The following CAMTA1 variants were observed in gnomAD, a reference collection of about 807,000 sequenced individuals.
The protein encoded by CAMTA1 is calmodulin binding transcription activator 1, also known as calmodulin-binding transcription activator 1.
In CAMTA1, 27 loss-of-function variants were observed where a neutral mutation model predicts 170.9. The observed-to-expected ratio is 0.16, with a 90% CI of 0.12 to 0.22. CAMTA1 has a LOEUF of 0.22. Among genes scored for constraint, CAMTA1 ranks in the 10% least tolerant of loss-of-function variants. The pLI is 1.00. For missense variants in CAMTA1, 1,619 were observed against 2,217.2 expected (o/e 0.73, Z 5.42); for synonymous variants, 833 against 891.5 (o/e 0.93, Z 1.17).
At chr1:6,952,135 A>G (rs965957692) in intron 3 of CAMTA1, among the ~76,000 whole-genome samples, 10 of 152,220 alleles carry the variant, frequency 6.6e-5, no homozygotes, top group African/African-American at 2.4e-4. Flanking sequence ...TCTGGCATCA[A>G]ATGGGATAAC....
intron 1 of CAMTA1, among the ~76,000 whole-genome samples, chr1:6,812,068 C>G (rs1020200660): frequency 2.0e-5 from 3 of 152,236 alleles, no homozygotes; most frequent in African/African-American, 7.2e-5. Context: ...GGATGTCTCC[C>G]TCCCAGCTAA....
chr1:7,647,386 C>G (rs1465132548), intron 7 of CAMTA1, among the ~76,000 whole-genome samples: 2 of 152,118 alleles, frequency 1.3e-5, no homozygotes, highest in Admixed American at 6.5e-5. Context: ...CTGGGGCTCG[C>G]GGAGCCGTTC....
In CAMTA1 at chr1:7,680,226, C is replaced by A; in HGVS notation, c.2914+2493C>A. On this transcript the variant is annotated intron_variant, in intron 11 of 22. Coordinates refer to ENST00000303635, the MANE Select transcript of CAMTA1 (RefSeq NM_015215.4). The surrounding 1 kb of genome is among the most constrained non-coding windows in gnomAD (Gnocchi z 4.4). ...AGTGGCCGGGCGGTGGTGAGCCTTCCGTTCCCCGCCTGTCCCTCCCGGCCC... is the reference window on the plus strand; with the variant it reads ...AGTGGCCGGGCGGTGGTGAGCCTTCAGTTCCCCGCCTGTCCCTCCCGGCCC... The A allele has an allele frequency of 3.7e-6, 1 of 268,540 alleles. No individual in the cohort carries two copies. Among genetic ancestry groups the A allele is most frequent in the South Asian group, 2.8e-5 (1 of 35,276 alleles). The allele number at this position is 268,540 out of a possible 1,614,324, so 16.6% of individuals were successfully genotyped here.
At chr1:7,499,404 TGA>T (rs111200538) in intron 6 of CAMTA1, among the ~76,000 whole-genome samples, 2 of 125,008 alleles carry the variant, frequency 1.6e-5, no homozygotes, top group Non-Finnish European at 3.4e-5. Flanking sequence ...TGTGTGTACA[TGA>T]GTGTGTAGAG....
intron 3 of CAMTA1, among the ~76,000 whole-genome samples, chr1:6,981,515 C>G (rs1461205623): frequency 6.6e-6 from 1 of 152,222 alleles, no homozygotes; most frequent in Non-Finnish European, 1.5e-5. Flanking sequence ...TCACCGCAGC[C>G]TTAACCTCCT....
intron 10 of CAMTA1, among the ~76,000 whole-genome samples, chr1:7,675,579 GGGTGCTGGGCTGTGGCCCCC>G (rs1366788095): frequency 6.6e-6 from 1 of 152,182 alleles, no homozygotes; most frequent in African/African-American, 2.4e-5. Context: ...TTTCCTGTAG[GGGTGCTGGGCTGTGGCCCCC>G]GGTGCTGGAT....
chr1:7,211,932 G>T (rs1206122413), intron 4 of CAMTA1, among the ~76,000 whole-genome samples: 1 of 152,050 alleles, frequency 6.6e-6, no homozygotes, highest in African/African-American at 2.4e-5. Context: ...AACATCACAG[G>T]GTTCCTCCTA....
At chr1:7,004,956 G>T (rs1024613761) in intron 3 of CAMTA1, among the ~76,000 whole-genome samples, 1 of 152,124 alleles carries the variant, frequency 6.6e-6, no homozygotes, top group African/African-American at 2.4e-5. Context: ...GTTTTTAGTA[G>T]AGACGGGGTT....
chr1:7,338,389 GGTTTGGAGCC>G (rs2083553304), intron 5 of CAMTA1, among the ~76,000 whole-genome samples: 1 of 152,208 alleles, frequency 6.6e-6, no homozygotes. Context: ...AGTTCTGGAG[GGTTTGGAGCC>G]GTCTGCCTTT....
chr1:7,333,270 T>A lies in CAMTA1; in HGVS notation c.438+83644T>A, dbSNP rs1040750607. Among the ~76,000 whole-genome samples, 1 of 152,144 alleles carries A rather than the reference T, an allele frequency of 6.6e-6. No homozygotes were observed. The highest frequency in any genetic ancestry group is 2.4e-5 in the African/African-American group (1 of 41,426). ...GTGATTATGAGCTTCCCTGTCGAGG[T>A]TGGGCTCTGCAAGCTTTGGCAATTG... On this transcript the variant is annotated intron_variant, in intron 5 of 22. Transcript: ENST00000303635. This position sits in a 1 kb window ranked among gnomAD's most constrained non-coding sequence, Gnocchi z 4.4.
intron 3 of CAMTA1, among the ~76,000 whole-genome samples, chr1:6,828,473 G>A (rs1180402523): frequency 1.3e-5 from 2 of 151,706 alleles, no homozygotes; most frequent in African/African-American, 4.8e-5. Flanking sequence ...TGTATTTTTA[G>A]TAGAGACAGG....
At position 7,580,979 on chromosome 1, in the gene CAMTA1, T is replaced by C. The variant is rs1299509062; in HGVS notation, c.511-59421T>C. On this transcript the variant is annotated intron_variant, in intron 6 of 22. Transcript: ENST00000303635. This position sits in a 1 kb window ranked among gnomAD's most constrained non-coding sequence, Gnocchi z 4.3. The stretch of plus-strand genomic sequence containing the variant: ...ATACCCTAAAAGGTTGTTGAGAAAA[T>C]GGAACGACTGCAGAGCTTAGTAAAG... 6.6e-6 allele frequency among the ~76,000 whole-genome samples: 1 copy of C among 152,140 alleles called. No individual in the cohort carries two copies. The highest frequency in any genetic ancestry group is 1.5e-5 in the Non-Finnish European group (1 of 68,018).
At chr1:7,764,853 G>A (rs567031346) in intron 22 of CAMTA1, among the ~76,000 whole-genome samples, 30 of 151,878 alleles carry the variant, frequency 2.0e-4, no homozygotes, top group Non-Finnish European at 3.5e-4. Flanking sequence ...CCAGCTACTC[G>A]GGAGGCTGAG....
intron 3 of CAMTA1, among the ~76,000 whole-genome samples, chr1:7,027,957 T>C (rs1489205769): frequency 6.6e-6 from 1 of 151,538 alleles, no homozygotes; most frequent in East Asian, 1.9e-4. Context: ...CAGGCTGGAG[T>C]GCAATGGTGC....
intron 6 of CAMTA1, among the ~76,000 whole-genome samples, chr1:7,579,480 G>A (rs968061496): frequency 2.0e-5 from 3 of 151,962 alleles, no homozygotes; most frequent in Non-Finnish European, 4.4e-5. Flanking sequence ...CCAAGGTCTC[G>A]GCACCTGGAG....
intron 5 of CAMTA1, among the ~76,000 whole-genome samples, chr1:7,294,766 T>C (rs543932426): frequency 6.6e-6 from 1 of 152,364 alleles, no homozygotes; most frequent in South Asian, 2.1e-4. Flanking sequence ...ATGCAGGGGC[T>C]TCTGAGCCTG....
chr1:6,825,080 T>C lies in CAMTA1; in HGVS notation c.116-12T>C, dbSNP rs1417473061. On this transcript the variant is annotated splice_polypyrimidine_tract_variant and intron_variant, in intron 2 of 22. Coordinates refer to ENST00000303635, the MANE Select transcript of CAMTA1 (RefSeq NM_015215.4). Reference sequence around the variant, plus strand: ...ATTATTTTCTCTAAATTTATTGTTTTCTTCTTTGTAGATGATCATGGGAAC... The same window carrying C: ...ATTATTTTCTCTAAATTTATTGTTTCCTTCTTTGTAGATGATCATGGGAAC... 8 of 1,436,328 alleles carry C rather than the reference T, an allele frequency of 5.6e-6. No individual in the cohort carries two copies. The highest frequency in any genetic ancestry group is 7.7e-6 in the Non-Finnish European group (8 of 1,038,344). 89.0% of individuals were successfully genotyped at this position (1,436,328 alleles called of 1,614,324 possible). A position where few individuals can be genotyped will look rare whatever the true frequency, so the allele number is the denominator to read the frequency against.
chr1:7,152,574 C>T (rs778954019), intron 4 of CAMTA1, among the ~76,000 whole-genome samples: 2 of 152,222 alleles, frequency 1.3e-5, no homozygotes, highest in Non-Finnish European at 2.9e-5. Context: ...TTGCCAAGGG[C>T]AGAGATGTCC....
chr1:6,885,889 C>A (rs1192456828), intron 3 of CAMTA1, among the ~76,000 whole-genome samples: 1 of 152,178 alleles, frequency 6.6e-6, no homozygotes. Flanking sequence ...TGGAGGGCAG[C>A]CCGCATGCCA....
Sources: gnomAD v4.1 joint callset for allele counts (sites outside exome capture counted in the v4.1 genomes callset) on GRCh38, gnomAD v4.1.1 for gene constraint, Gnocchi (gnomAD v3.1) non-coding constraint, MANE v1.5 for transcripts, NCBI Gene and HGNC (gene_info 2026-07-23, HGNC 2026-07-21) for gene names.